The following HUWE1 variants were observed in gnomAD, a reference collection of about 807,000 sequenced individuals.
HUWE1 encodes HECT, UBA and WWE domain containing E3 ubiquitin protein ligase 1.
A neutral mutation model predicts 299.4 loss-of-function variants in HUWE1; 18 were observed. The observed-to-expected ratio is 0.06, with a 90% CI of 0.04 to 0.09. HUWE1 has a LOEUF of 0.09. Among genes scored for constraint, HUWE1 ranks in the 10% least tolerant of loss-of-function variants. The pLI is 1.00. For missense variants in HUWE1, 1,832 were observed against 3,462.3 expected (o/e 0.53, Z 11.82); for synonymous variants, 1,317 against 1,286.1 (o/e 1.02, Z -0.51).
intron 47 of HUWE1, among the ~76,000 whole-genome samples, chrX:53,570,998 C>G (rs1249407333): frequency 8.9e-6 from 1 of 112,379 alleles, no homozygotes; most frequent in Non-Finnish European, 1.9e-5. Flanking sequence ...TTCTCAATAA[C>G]CACGTAGAAA....
chrX:53,579,544 T>C (rs919209308), intron 43 of HUWE1, among the ~76,000 whole-genome samples: 2 of 109,538 alleles, frequency 1.8e-5, no homozygotes, highest in African/African-American at 3.3e-5. Flanking sequence ...AATCGGATGG[T>C]TGCCGGGTCT....
At chrX:53,584,062 A>C (rs2063747020) in intron 41 of HUWE1, 124 bp downstream of exon 41, 3 of 817,985 alleles carry the variant, frequency 3.7e-6, no homozygotes, top group Non-Finnish European at 5.5e-6. Context: ...ATGAAAAAGC[A>C]TAAGGGAGGC....
chrX:53,566,036 T>C (rs1389575725), intron 49 of HUWE1, among the ~76,000 whole-genome samples: 1 of 105,663 alleles, frequency 9.5e-6, no homozygotes, highest in East Asian at 2.9e-4. Flanking sequence ...AGGTGCCCAC[T>C]AACACCAGAG....
At position 53,580,849 on chromosome X, in the gene HUWE1, G is replaced by T; in HGVS notation, c.5698C>A (p.Pro1900Thr). Reference sequence around the variant, plus strand: ...AACTTACCAGTTCCTGAGCCTCGAGGGGCAGGAAGGGCGATGCGGATACAG... The same window carrying T: ...AACTTACCAGTTCCTGAGCCTCGAGTGGCAGGAAGGGCGATGCGGATACAG... ...NCCIRIALPA[P>T]RGSGTASDDE... is the part of the protein sequence containing the mutation. Residue 1900 changes from proline (P) to threonine (T), a missense_variant, in exon 43 of 84, where the codon CCT (proline) becomes ACT (threonine). Physicochemically the swap from Pro to Thr is conservative, Grantham distance 38. Around this residue, in one of 15 missense-constraint regions of HUWE1, gnomAD observed 47 missense variants for 45.8 expected, o/e 1.03. Transcript: ENST00000262854. 4 of 1,211,059 alleles carry T rather than the reference G, an allele frequency of 3.3e-6. No individual in the cohort carries two copies. The highest frequency in any genetic ancestry group is 4.5e-6 in the Non-Finnish European group (4 of 895,198).
intron 4 of HUWE1, among the ~76,000 whole-genome samples, chrX:53,653,795 G>A (rs2068614916): frequency 8.9e-6 from 1 of 112,120 alleles, no homozygotes; most frequent in Non-Finnish European, 1.9e-5. Flanking sequence ...GGAAGGAATT[G>A]CACAGCAGCC....
chrX:53,684,325 A>G (rs1305355044), intron 2 of HUWE1, among the ~76,000 whole-genome samples: 2 of 112,219 alleles, frequency 1.8e-5, no homozygotes, highest in African/African-American at 6.5e-5. Flanking sequence ...CACTCCTAAA[A>G]AGGAGAAAGG....
chrX:53,677,319 A>G (rs1465874946), intron 3 of HUWE1, among the ~76,000 whole-genome samples: 1 of 110,755 alleles, frequency 9.0e-6, no homozygotes, highest in East Asian at 2.8e-4. Flanking sequence ...TTTCAGAACC[A>G]TTGTTCTAAG....
chrX:53,561,694 T>C, intron 55 of HUWE1, 62 bp downstream of exon 55: 1 of 1,204,863 alleles, frequency 8.3e-7, no homozygotes, highest in Non-Finnish European at 1.1e-6. Context: ...ACTGCTTGGC[T>C]TACCCTAGAG....
At chrX:53,563,436 A>G (rs1423515967) in intron 52 of HUWE1, among the ~76,000 whole-genome samples, 1 of 111,207 alleles carries the variant, frequency 9.0e-6, no homozygotes, top group Non-Finnish European at 1.9e-5. Flanking sequence ...ACTGAAAGGC[A>G]GCGCTTTCTC....
intron 7 of HUWE1, among the ~76,000 whole-genome samples, chrX:53,642,947 C>A (rs1200521977): frequency 1.8e-5 from 2 of 112,090 alleles, no homozygotes; most frequent in Non-Finnish European, 3.8e-5. Flanking sequence ...GTATGCAGAC[C>A]AGCTGCTTGC....
rs190059620 is a variant in HUWE1 at position 53,569,772 on chromosome X, G to A, written c.6368C>T (p.Ala2123Val). ...CAAGGCAGGGGTGTCCTTGTCTTCT[G>A]CATTCTGGGTATGTGGGAGCAGGTG... is the stretch of plus-strand genomic sequence containing the variant. Reference protein sequence around the residue: ...LDHLLPHTQNAEDKDTPALAR... With the variant: ...LDHLLPHTQNVEDKDTPALAR... Residue 2123 changes from alanine (A) to valine (V), a missense_variant, in exon 48 of 84, where the codon GCA becomes GTA. This residue lies in a region of HUWE1 where 157 missense variants were observed against 252.3 expected (regional missense o/e 0.62). Coordinates refer to ENST00000262854, the MANE Select transcript of HUWE1 (RefSeq NM_031407.7). 11 of 1,210,752 alleles carry A rather than the reference G, an allele frequency of 9.1e-6. No homozygotes were observed. Among genetic ancestry groups the A allele is most frequent in the Non-Finnish European group, 1.2e-5 (11 of 895,342 alleles).
chrX:53,599,093 T>A (rs941024004), intron 29 of HUWE1, among the ~76,000 whole-genome samples: 4 of 111,760 alleles, frequency 3.6e-5, no homozygotes, highest in African/African-American at 1.3e-4. Context: ...TTAAAGGTAG[T>A]CCAAAGACAA....
Position 53,595,258 on chromosome X carries a change from T to C in HUWE1, c.3309A>G (p.Ser1103=), listed in dbSNP as rs1602967684. Residue 1103 remains serine (S), a synonymous_variant, in exon 30 of 84, where the codon TCA becomes TCG. Coordinates refer to ENST00000262854, the MANE Select transcript of HUWE1 (RefSeq NM_031407.7). The stretch of plus-strand genomic sequence containing the variant: ...CCTTAGTCAAGAGCTTAGTGAGAGC[T>C]GAGGCTGTTGATCGCGCGGCAGGTG... ...APTPAARSTA[S]ALTKLLTKGL... is the part of the protein sequence containing the mutation. 8.3e-7 allele frequency: 1 copy of C among 1,211,403 alleles called. No individual in the cohort carries two copies. The highest frequency in any genetic ancestry group is 1.1e-6 in the Non-Finnish European group (1 of 895,420).
chrX:53,539,590 A>C, intron 75 of HUWE1, 67 bp downstream of exon 75: 9 of 1,105,964 alleles, frequency 8.1e-6, no homozygotes, highest in Non-Finnish European at 1.1e-5. Flanking sequence ...GAAGAAAAAC[A>C]AGCTGGCAGG....
At chrX:53,574,623 CT>C (rs1556956444) in intron 46 of HUWE1, among the ~76,000 whole-genome samples, 1 of 112,262 alleles carries the variant, frequency 8.9e-6, no homozygotes, top group African/African-American at 3.2e-5. Flanking sequence ...TAATGTTAGC[CT>C]TTTAAATTTA....
chrX:53,626,693 T>G (rs2066530274), intron 17 of HUWE1, among the ~76,000 whole-genome samples: 1 of 111,927 alleles, frequency 8.9e-6, no homozygotes, highest in Admixed American at 9.5e-5. Flanking sequence ...GTTTATAAAA[T>G]GTATTAAGGC....
intron 2 of HUWE1, among the ~76,000 whole-genome samples, chrX:53,681,592 A>T (rs782381556): frequency 1.5e-4 from 17 of 112,147 alleles, no homozygotes; most frequent in African/African-American, 5.5e-4. Flanking sequence ...GGTATTCCAA[A>T]TGATCTTTCT....
rs1556947843 is a variant in HUWE1 at position 53,568,679 on chromosome X, G to A, written c.6707+13C>T. On this transcript the variant is annotated intron_variant, in intron 49 of 83. Transcript: ENST00000262854. ...AAGAGAAGGAAAAGCCTGGGGCTGG[G>A]GCATGATTTTACCTGGACAGGTCTA... 2 of 1,200,490 alleles carry A rather than the reference G, an allele frequency of 1.7e-6. No homozygotes were observed.
At chrX:53,549,554 T>C (rs2147255618) in intron 66 of HUWE1, 49 bp from the exon 67 acceptor site, 1 of 1,059,185 alleles carries the variant, frequency 9.4e-7, no homozygotes, top group Non-Finnish European at 1.3e-6. Context: ...GCTAGAGCTC[T>C]GGGATTAGGC....
Sources: gnomAD v4.1 joint callset for allele counts (sites outside exome capture counted in the v4.1 genomes callset) on GRCh38, gnomAD v4.1.1 for gene constraint, gnomAD v4.1.1 regional missense constraint, MANE v1.5 for transcripts, NCBI Gene and HGNC (gene_info 2026-07-23, HGNC 2026-07-21) for gene names.